CSMD1: variants seen among roughly 807,000 people sequenced by gnomAD.
The protein encoded by CSMD1 is CUB and Sushi multiple domains 1.
A neutral mutation model predicts 417.5 loss-of-function variants in CSMD1; 213 were observed. The observed-to-expected ratio is 0.51, with a 90% CI of 0.46 to 0.57. The LOEUF is 0.57. Ranked by LOEUF, CSMD1 falls within the 20% of genes least tolerant of loss-of-function variation. CSMD1 has a pLI of 0.00. For missense variants in CSMD1, 6,923 were observed against 4,529.7 expected (o/e 1.53, Z -15.17); for synonymous variants, 2,862 against 1,736.8 (o/e 1.65, Z -16.11).
At chr8:4,621,626 A>T (rs1801785129) in intron 2 of CSMD1, among the ~76,000 whole-genome samples, 1 of 152,104 alleles carries the variant, frequency 6.6e-6, no homozygotes, top group Non-Finnish European at 1.5e-5. Context: ...AAATCACATC[A>T]AAATTACACA....
intron 1 of CSMD1, among the ~76,000 whole-genome samples, chr8:4,694,961 G>C (rs995626418): frequency 9.2e-5 from 14 of 151,980 alleles, no homozygotes; most frequent in Admixed American, 3.9e-4. Context: ...CTAGGTTCTT[G>C]TACCTTTCAC....
intron 3 of CSMD1, among the ~76,000 whole-genome samples, chr8:4,189,675 A>G (rs1302699960): frequency 6.6e-6 from 1 of 152,168 alleles, no homozygotes; most frequent in East Asian, 1.9e-4. Flanking sequence ...CATGGAATGC[A>G]TTTGAACGGA....
At chr8:3,105,040 G>A (rs1405100920) in intron 46 of CSMD1, among the ~76,000 whole-genome samples, 1 of 152,202 alleles carries the variant, frequency 6.6e-6, no homozygotes, top group African/African-American at 2.4e-5. Context: ...CCATGCACAG[G>A]TGTGAGCATC....
intron 1 of CSMD1, among the ~76,000 whole-genome samples, chr8:4,718,565 A>G (rs560382774): frequency 6.6e-6 from 1 of 152,220 alleles, no homozygotes; most frequent in East Asian, 1.9e-4. Context: ...GAAAGAAAAA[A>G]TTTATAAAAC....
At chr8:3,176,869 C>T (rs1820968531) in intron 37 of CSMD1, among the ~76,000 whole-genome samples, 1 of 151,602 alleles carries the variant, frequency 6.6e-6, no homozygotes, top group African/African-American at 2.4e-5. Flanking sequence ...GCCTCGGCCT[C>T]CTGGGCTCAA....
chr8:4,163,533 T>G (rs1178014794), intron 3 of CSMD1, among the ~76,000 whole-genome samples: 1 of 152,200 alleles, frequency 6.6e-6, no homozygotes, highest in Non-Finnish European at 1.5e-5. Flanking sequence ...TATTTAATAT[T>G]AGGTAAAGCT....
At chr8:4,493,993 G>A (rs573339409) in intron 2 of CSMD1, among the ~76,000 whole-genome samples, 18 of 152,270 alleles carry the variant, frequency 1.2e-4, no homozygotes, top group Admixed American at 3.3e-4. Flanking sequence ...CCTTAAGCAT[G>A]TACACATAGA....
chr8:4,404,095 G>A (rs1043622955), intron 3 of CSMD1, among the ~76,000 whole-genome samples: 3 of 152,138 alleles, frequency 2.0e-5, no homozygotes, highest in Admixed American at 6.5e-5. Flanking sequence ...TACTGCTTTA[G>A]GGAATGGTAT....
intron 2 of CSMD1, among the ~76,000 whole-genome samples, chr8:4,478,418 T>C (rs1800916166): frequency 6.6e-6 from 1 of 152,158 alleles, no homozygotes. Context: ...TAAAGTTATA[T>C]ATCTTGTCAG....
rs577566950 is a variant in CSMD1, at chr8:3,937,683, C to G, written c.818+60220G>C. 1.6e-4 allele frequency among the ~76,000 whole-genome samples: 24 copies of G among 152,248 alleles called. No homozygotes were observed. The South Asian group carries it at 5.0e-3, about 32-fold the overall frequency. ...ATATCTCTGAAGTACGGCTGCATAT[C>G]AATAACTACAGACATCTTATCAGAC... is the stretch of plus-strand genomic sequence containing the variant. On this transcript the variant is annotated intron_variant, in intron 5 of 69. Coordinates refer to ENST00000635120, the MANE Select transcript of CSMD1 (RefSeq NM_033225.6).
At chr8:3,162,050 A>C (rs1001182004) in intron 38 of CSMD1, 109 bp downstream of exon 38, 2 of 708,106 alleles carry the variant, frequency 2.8e-6, no homozygotes, top group Non-Finnish European at 5.0e-6. Context: ...AGTATGATTC[A>C]CAAACTGAGT....
intron 3 of CSMD1, among the ~76,000 whole-genome samples, chr8:4,225,718 T>C (rs1056516831): frequency 1.3e-5 from 2 of 152,266 alleles, no homozygotes; most frequent in East Asian, 1.9e-4. Flanking sequence ...TCCTGACAAA[T>C]TGCCACAACA....
rs191700121 is a variant in CSMD1, at chr8:4,123,702, C to G, written c.416-91603G>C. On this transcript the variant is annotated intron_variant, in intron 3 of 69. Transcript: ENST00000635120. ...CTGATGATAACTTCTATGGTTTTAT[C>G]ACATTTGGAAGAAGTCACATTGTAG... 2.6e-5 allele frequency among the ~76,000 whole-genome samples: 4 copies of G among 152,212 alleles called. No homozygotes were observed. The South Asian group carries it at 8.3e-4, about 32-fold the overall frequency.
intron 8 of CSMD1, among the ~76,000 whole-genome samples, chr8:3,608,637 G>C (rs994274307): frequency 6.6e-6 from 1 of 151,672 alleles, no homozygotes; most frequent in Non-Finnish European, 1.5e-5. Context: ...GGTAGCACAC[G>C]CCTGTAATCC....
chr8:4,315,972 G>C (rs1427198987), intron 3 of CSMD1, among the ~76,000 whole-genome samples: 1 of 152,038 alleles, frequency 6.6e-6, no homozygotes, highest in African/African-American at 2.4e-5. Flanking sequence ...GGGAAATTTT[G>C]TGAATGTCAT....
intron 2 of CSMD1, among the ~76,000 whole-genome samples, chr8:4,462,646 T>A (rs1223634853): frequency 7.2e-5 from 11 of 152,334 alleles, no homozygotes; most frequent in African/African-American, 1.9e-4. Context: ...ACACATGGAT[T>A]AATGAAATAA....
At chr8:3,477,124 T>C (rs1817478156) in intron 11 of CSMD1, among the ~76,000 whole-genome samples, 1 of 152,180 alleles carries the variant, frequency 6.6e-6, no homozygotes. Context: ...CACTTAAAAA[T>C]AATTTGTTCA....
intron 26 of CSMD1, among the ~76,000 whole-genome samples, chr8:3,279,533 T>C (rs1802572633): frequency 6.6e-6 from 1 of 152,122 alleles, no homozygotes; most frequent in African/African-American, 2.4e-5. Flanking sequence ...ACAATCCCAG[T>C]GGGATAATTT....
chr8:3,669,734 A>G (rs1798892406), intron 7 of CSMD1, among the ~76,000 whole-genome samples: 2 of 152,114 alleles, frequency 1.3e-5, no homozygotes, highest in South Asian at 4.1e-4. Context: ...CCAGGAGGAC[A>G]GGGGCCCTGA....
Sources: allele counts gnomAD v4.1 joint callset (sites outside exome capture counted in the v4.1 genomes callset), GRCh38; gene constraint gnomAD v4.1.1; transcripts MANE v1.5; gene names NCBI Gene and HGNC (gene_info 2026-07-23, HGNC 2026-07-21).